Variants in SLC17A6 observed in about 807,000 individuals in gnomAD.
SLC17A6 encodes the protein vesicular glutamate transporter 2.
In SLC17A6, 35 loss-of-function variants were observed where a neutral mutation model predicts 67.1. The ratio of observed to expected loss-of-function variants is 0.52; its 90% CI spans 0.40 to 0.69. The LOEUF is 0.69. Among genes scored for constraint, SLC17A6 ranks in the 30% least tolerant of loss-of-function variants. The pLI is 0.00. For synonymous variants in SLC17A6, 285 were observed against 252.3 expected (o/e 1.13, Z -1.23); for missense variants, 588 against 723.9 (o/e 0.81, Z 2.15).
rs75819943 is a variant in SLC17A6, at chr11:22,370,305, A to C, written c.1041+117A>C. 2,606 of 815,918 alleles carry C rather than the reference A, an allele frequency of 3.2e-3. 57 individuals are homozygous for C. The African/African-American group carries it at 0.041, about 13-fold the overall frequency. 50.5% of individuals were successfully genotyped at this position (815,918 alleles called of 1,614,324 possible). ...TTCAGAGATTATTCATTTATTCATT[A>C]AACAAATAACTGCTAGGAAATAGAA... On this transcript the variant is annotated intron_variant, in intron 8 of 11. Transcript: ENST00000263160.
intron 8 of SLC17A6, among the ~76,000 whole-genome samples, 198 bp from the exon 9 acceptor site, chr11:22,374,557 C>A (rs184002597): frequency 1.4e-4 from 21 of 151,766 alleles, no homozygotes; most frequent in Non-Finnish European, 2.9e-4. Context: ...CTAAAGGAAT[C>A]CAAGTAAATT....
chr11:22,348,086 G>A (rs1343562468), intron 3 of SLC17A6, among the ~76,000 whole-genome samples: 1 of 152,146 alleles, frequency 6.6e-6, no homozygotes, highest in East Asian at 1.9e-4. Context: ...TACAGAGCAG[G>A]AAATAGAGAA....
At chr11:22,366,014 TA>T (rs67098811) in intron 7 of SLC17A6, among the ~76,000 whole-genome samples, 12,486 of 152,174 alleles carry the variant, frequency 0.082, 556 homozygotes, top group South Asian at 0.13. Context: ...CATTTTACGT[TA>T]AAAAAATCCA....
chr11:22,364,208 G>C (rs1856083035), intron 6 of SLC17A6, among the ~76,000 whole-genome samples: 1 of 152,182 alleles, frequency 6.6e-6, no homozygotes, highest in East Asian at 1.9e-4. Flanking sequence ...GTATAGTGGG[G>C]TAAGTTAAAA....
At chr11:22,340,857 G>T (rs1323796198) in intron 1 of SLC17A6, among the ~76,000 whole-genome samples, 5 of 152,196 alleles carry the variant, frequency 3.3e-5, no homozygotes, top group Admixed American at 2.6e-4. Flanking sequence ...GACACTCTCA[G>T]CGAGAGCTCT....
intron 3 of SLC17A6, among the ~76,000 whole-genome samples, chr11:22,345,925 C>T (rs1855870796): frequency 1.3e-5 from 2 of 152,112 alleles, no homozygotes; most frequent in African/African-American, 2.4e-5. Context: ...AGAATTTTAC[C>T]TTAGAAGACT....
intron 3 of SLC17A6, among the ~76,000 whole-genome samples, chr11:22,355,982 T>A (rs996367996): frequency 2.0e-5 from 3 of 152,190 alleles, no homozygotes; most frequent in African/African-American, 7.2e-5. Context: ...TACACTGAGG[T>A]CCATCCTCTT....
rs539529524 is a variant in SLC17A6 at position 22,376,361 on chromosome 11, G to A, written c.1286-184G>A. Reference sequence around the variant, plus strand: ...CTGTGGAGTGAACATCACATATTAAGTATTAGATAAGAATTCATACCTCAT... The same window carrying A: ...CTGTGGAGTGAACATCACATATTAAATATTAGATAAGAATTCATACCTCAT... On this transcript the variant is annotated intron_variant, in intron 10 of 11. Coordinates refer to ENST00000263160, the MANE Select transcript of SLC17A6 (RefSeq NM_020346.3). Among the ~76,000 whole-genome samples the A allele has an allele frequency of 2.6e-5, 4 of 152,094 alleles. No individual in the cohort carries two copies. In the East Asian group the frequency reaches 7.7e-4, roughly 29 times the overall value.
At chr11:22,357,246 T>C (rs1411454800) in intron 3 of SLC17A6, among the ~76,000 whole-genome samples, 1 of 152,222 alleles carries the variant, frequency 6.6e-6, no homozygotes, top group African/African-American at 2.4e-5. Context: ...ATAATACCCA[T>C]GTCTCTGGGT....
rs1247438058 is a variant in SLC17A6, at chr11:22,338,579, C to T, written c.46C>T (p.Leu16=). The part of the protein sequence containing the change: ...QRILAPGKEG[L]KNFAGKSLGQ... ...GATTTTGGCCCCAGGAAAAGAGGGGCTAAAGAATTTTGCTGGAAAATCACT... is the reference window on the plus strand; with the variant it reads ...GATTTTGGCCCCAGGAAAAGAGGGGTTAAAGAATTTTGCTGGAAAATCACT... The change falls in exon 1 of 12, where the codon CTA becomes TTA. Residue 16 remains leucine, a synonymous_variant. Transcript: ENST00000263160. 2 of 1,613,568 alleles carry T rather than the reference C, an allele frequency of 1.2e-6. No homozygotes were observed. Among genetic ancestry groups the T allele is most frequent in the African/African-American group, 2.7e-5 (2 of 74,864 alleles).
In SLC17A6 at chr11:22,338,483, C is replaced by A; in HGVS notation, c.-51C>A. The A allele has an allele frequency of 7.5e-7, 1 of 1,326,262 alleles. No homozygotes were observed. Among genetic ancestry groups the A allele is most frequent in the Non-Finnish European group, 1.1e-6 (1 of 922,448 alleles). The allele number at this position is 1,326,262 out of a possible 1,614,324, so 82.2% of individuals were successfully genotyped here. On this transcript the variant is annotated 5_prime_UTR_variant, in exon 1 of 12. Transcript: ENST00000263160. Reference sequence around the variant, plus strand: ...ACAATATGCGCAATCCTCGCCTTTCCTAGCAATCACTATTTAAATCTGGCA... The same window carrying A: ...ACAATATGCGCAATCCTCGCCTTTCATAGCAATCACTATTTAAATCTGGCA...
At chr11:22,367,259 TC>T (rs1856123817) in intron 7 of SLC17A6, among the ~76,000 whole-genome samples, 1 of 151,968 alleles carries the variant, frequency 6.6e-6, no homozygotes. Context: ...AGAATGCCTG[TC>T]TTTGACATCT....
intron 3 of SLC17A6, among the ~76,000 whole-genome samples, chr11:22,350,458 C>CAA (rs3047444): frequency 0.17 from 25,891 of 149,838 alleles, 2,438 homozygotes; most frequent in Non-Finnish European, 0.22. Flanking sequence ...GAGGAAATCA[C>CAA]AAAAAAAAAC....
intron 3 of SLC17A6, among the ~76,000 whole-genome samples, chr11:22,348,429 G>A (rs1451335883): frequency 6.6e-6 from 1 of 152,078 alleles, no homozygotes; most frequent in South Asian, 2.1e-4. Context: ...CAAGCTATTT[G>A]GTGACAACAT....
chr11:22,341,469 T>A, intron 1 of SLC17A6, 59 bp from the exon 2 acceptor site: 1 of 1,579,310 alleles, frequency 6.3e-7, no homozygotes, highest in Non-Finnish European at 8.6e-7. Flanking sequence ...TGGGAATGGG[T>A]CAGCATCGGG....
At chr11:22,363,783 T>A (rs1434116666) in intron 6 of SLC17A6, among the ~76,000 whole-genome samples, 2 of 152,160 alleles carry the variant, frequency 1.3e-5, no homozygotes, top group Admixed American at 6.5e-5. Context: ...GTGAACATTT[T>A]TTTTTTCTTA....
chr11:22,368,392 G>GA (rs1182996474), intron 7 of SLC17A6, among the ~76,000 whole-genome samples: 1 of 151,636 alleles, frequency 6.6e-6, no homozygotes, highest in Non-Finnish European at 1.5e-5. Flanking sequence ...CATATGTACA[G>GA]AAAAAAACAC....
At chr11:22,364,250 A>G (rs1337476365) in intron 6 of SLC17A6, among the ~76,000 whole-genome samples, 2 of 152,162 alleles carry the variant, frequency 1.3e-5, no homozygotes, top group African/African-American at 4.8e-5. Flanking sequence ...TTAGCAGCGT[A>G]TCTGGCACTT....
In SLC17A6 at chr11:22,365,581, T is replaced by A; in HGVS notation, c.783T>A (p.Leu261=). 6.2e-7 allele frequency: 1 copy of A among 1,614,026 alleles called. No homozygotes were observed. Residue 261 remains leucine (L), a synonymous_variant, in exon 7 of 12, where the codon CTT becomes CTA. Coordinates refer to ENST00000263160, the MANE Select transcript of SLC17A6 (RefSeq NM_020346.3). The part of the protein sequence containing the change: ...SFGMVWYMFW[L]LVSYESPAKH... ...GAATGGTCTGGTACATGTTTTGGCT[T>A]TTGGTGTCTTATGAAAGTCCTGCAA...
Sources: gnomAD v4.1 joint callset for allele counts (sites outside exome capture counted in the v4.1 genomes callset) on GRCh38, gnomAD v4.1.1 for gene constraint, MANE v1.5 for transcripts, NCBI Gene and HGNC (gene_info 2026-07-23, HGNC 2026-07-21) for gene names.